ARHGAP6: variants seen among roughly 807,000 people sequenced by gnomAD.
ARHGAP6 encodes rho GTPase-activating protein 6.
ARHGAP6 carries 16 observed loss-of-function variants against 55.7 expected under a neutral mutation model. The observed-to-expected ratio is 0.29, with a 90% confidence interval of 0.19 to 0.44. The LOEUF is 0.44. ARHGAP6 is among the 20% of genes least tolerant of loss of function. The probability of loss-of-function intolerance (pLI) is 1.00; values close to 1 mark genes in which losing one functional copy is unlikely to be tolerated. For missense variants in ARHGAP6, 698 were observed against 808.9 expected (o/e 0.86, Z 1.66); for synonymous variants, 382 against 360.9 (o/e 1.06, Z -0.66).
At chrX:11,380,007 C>A (rs1284722731) in intron 1 of ARHGAP6, among the ~76,000 whole-genome samples, 2 of 111,477 alleles carry the variant, frequency 1.8e-5, no homozygotes, top group African/African-American at 6.5e-5. Context: ...AAGTGATGAG[C>A]AATTATTGAA....
At chrX:11,215,071 G>A (rs769197137) in intron 2 of ARHGAP6, among the ~76,000 whole-genome samples, 3 of 113,219 alleles carry the variant, frequency 2.6e-5, no homozygotes, top group African/African-American at 9.6e-5. Flanking sequence ...GGTTCCCAGG[G>A]CCCAGGAGCA....
chrX:11,504,885 C>T (rs1050229745), intron 1 of ARHGAP6, among the ~76,000 whole-genome samples: 4 of 112,204 alleles, frequency 3.6e-5, no homozygotes, highest in African/African-American at 9.7e-5. Context: ...AGAGTAAACC[C>T]AAAAGTTAGC....
intron 1 of ARHGAP6, among the ~76,000 whole-genome samples, chrX:11,328,205 G>T (rs2048520906): frequency 8.9e-6 from 1 of 112,040 alleles, no homozygotes. Context: ...TCTGAACTTT[G>T]CACATACATC....
At chrX:11,469,435 C>T (rs1169615025) in intron 1 of ARHGAP6, among the ~76,000 whole-genome samples, 1 of 112,322 alleles carries the variant, frequency 8.9e-6, no homozygotes, top group African/African-American at 3.2e-5. Flanking sequence ...AAGTACCATA[C>T]TATACTCAAA....
intron 2 of ARHGAP6, among the ~76,000 whole-genome samples, chrX:11,206,864 A>C (rs2046711324): frequency 9.0e-6 from 1 of 111,525 alleles, no homozygotes; most frequent in Non-Finnish European, 1.9e-5. Context: ...ATTCAGCTAA[A>C]CACGTAATCA....
intron 3 of ARHGAP6, among the ~76,000 whole-genome samples, chrX:11,196,180 A>AAAAC (rs2046538804): frequency 2.1e-5 from 2 of 93,728 alleles, no homozygotes; most frequent in Non-Finnish European, 4.3e-5. Flanking sequence ...CAAAACAAAA[A>AAAAC]AACTAATAGC....
intron 1 of ARHGAP6, among the ~76,000 whole-genome samples, chrX:11,289,145 T>G (rs1350564959): frequency 4.5e-5 from 5 of 112,201 alleles, no homozygotes; most frequent in Non-Finnish European, 1.9e-5. Flanking sequence ...CTGTATGAAC[T>G]CTTGCTGTGA....
intron 1 of ARHGAP6, among the ~76,000 whole-genome samples, chrX:11,481,301 T>G (rs1278991187): frequency 8.9e-6 from 1 of 112,199 alleles, no homozygotes; most frequent in Non-Finnish European, 1.9e-5. Flanking sequence ...AAGAGTAATT[T>G]TTTTTCACAT....
At chrX:11,321,034 T>C (rs192425908) in intron 1 of ARHGAP6, among the ~76,000 whole-genome samples, 187 of 111,482 alleles carry the variant, frequency 1.7e-3, no homozygotes, top group Non-Finnish European at 2.9e-3. Context: ...ATAAAAGATA[T>C]AGTCAGCCAA....
intron 1 of ARHGAP6, among the ~76,000 whole-genome samples, chrX:11,514,838 GCACACACACA>G (rs71928650): frequency 6.0e-4 from 58 of 96,248 alleles, no homozygotes; most frequent in Admixed American, 2.1e-3. Context: ...TCTATGCATT[GCACACACACA>G]CACACACACA....
intron 1 of ARHGAP6, among the ~76,000 whole-genome samples, chrX:11,366,614 GAA>G (rs961656598): frequency 1.8e-4 from 20 of 111,596 alleles, no homozygotes; most frequent in Non-Finnish European, 3.4e-4. Flanking sequence ...GAGGTGGGGA[GAA>G]AGAGAGAAAG....
At chrX:11,314,323 A>C (rs767995509) in intron 1 of ARHGAP6, among the ~76,000 whole-genome samples, 2 of 111,981 alleles carry the variant, frequency 1.8e-5, no homozygotes, top group Non-Finnish European at 3.8e-5. Context: ...GATGGATGAA[A>C]TGGACCAGCT....
At chrX:11,649,874 GA>G (rs2052566588) in intron 1 of ARHGAP6, among the ~76,000 whole-genome samples, 1 of 110,542 alleles carries the variant, frequency 9.0e-6, no homozygotes, top group Non-Finnish European at 1.9e-5. Flanking sequence ...TAAATAAAAT[GA>G]AAAAATCAAC....
intron 1 of ARHGAP6, among the ~76,000 whole-genome samples, chrX:11,554,958 A>T (rs1386646693): frequency 8.9e-6 from 1 of 112,239 alleles, no homozygotes; most frequent in African/African-American, 3.2e-5. Flanking sequence ...CCAATGAATA[A>T]GCATTTACTG....
At chrX:11,149,273 T>A (rs2045741713) in intron 10 of ARHGAP6, among the ~76,000 whole-genome samples, 1 of 112,182 alleles carries the variant, frequency 8.9e-6, no homozygotes, top group Non-Finnish European at 1.9e-5. Context: ...ATAAAGAAGC[T>A]GTGAATCATA....
At chrX:11,255,354 C>T (rs2047480250) in intron 1 of ARHGAP6, among the ~76,000 whole-genome samples, 1 of 109,910 alleles carries the variant, frequency 9.1e-6, no homozygotes, top group South Asian at 3.9e-4. Flanking sequence ...CTCCAACAAC[C>T]TTATGAAGTG....
At chrX:11,427,551 G>A (rs913577981) in intron 1 of ARHGAP6, 2 of 928,239 alleles carry the variant, frequency 2.2e-6, no homozygotes, top group Non-Finnish European at 2.7e-6. Flanking sequence ...CACTCACCGC[G>A]TAGTGCAGCT....
intron 1 of ARHGAP6, among the ~76,000 whole-genome samples, chrX:11,397,617 G>A (rs1018342714): frequency 8.9e-6 from 1 of 111,995 alleles, no homozygotes; most frequent in African/African-American, 3.2e-5. Context: ...GGTGACTCAC[G>A]CCTGTTTTCC....
At chrX:11,382,567 A>C (rs1262931810) in intron 1 of ARHGAP6, among the ~76,000 whole-genome samples, 4 of 111,808 alleles carry the variant, frequency 3.6e-5, no homozygotes, top group African/African-American at 1.3e-4. Flanking sequence ...TCCACTCTTT[A>C]TAATTTTGTC....
Sources: gnomAD v4.1 joint callset for allele counts (sites outside exome capture counted in the v4.1 genomes callset) on GRCh38, gnomAD v4.1.1 for gene constraint, MANE v1.5 for transcripts, NCBI Gene and HGNC (gene_info 2026-07-23, HGNC 2026-07-21) for gene names.